BBX: variants seen among roughly 807,000 people sequenced by gnomAD.
The protein encoded by BBX is HMG box transcription factor BBX.
In BBX, 30 loss-of-function variants were observed where a neutral mutation model predicts 100.2. The ratio of observed to expected loss-of-function variants is 0.30; its 90% CI spans 0.22 to 0.41. The LOEUF (loss-of-function observed/expected upper bound fraction) is 0.41. Ranked by LOEUF, BBX falls within the 10% of genes least tolerant of loss-of-function variation. BBX has a pLI of 1.00. For missense variants in BBX, 1,023 were observed against 1,129.8 expected (o/e 0.91, Z 1.35); for synonymous variants, 376 against 388.1 (o/e 0.97, Z 0.37).
At position 107,567,175 on chromosome 3, in the gene BBX, T is replaced by C. The variant is rs529808620; in HGVS notation, c.-84+40777T>C. 1.2e-4 allele frequency among the ~76,000 whole-genome samples: 18 copies of C among 152,308 alleles called. No individual in the cohort carries two copies. In the South Asian group the frequency reaches 3.5e-3, roughly 30 times the overall value. On this transcript the variant is annotated intron_variant, in intron 2 of 17. Coordinates refer to ENST00000325805, the MANE Select transcript of BBX (RefSeq NM_001142568.3). The stretch of plus-strand genomic sequence containing the variant: ...AGAAATTTGTTAATACTTTCTTTGT[T>C]GGCTGCTGTGCAGCCATTCTCTGTG...
chr3:107,670,814 G>A (rs1290610214), intron 3 of BBX, among the ~76,000 whole-genome samples: 1 of 152,004 alleles, frequency 6.6e-6, no homozygotes, highest in African/African-American at 2.4e-5. Flanking sequence ...AGTAGGTACT[G>A]ACACCCAATT....
intron 3 of BBX, among the ~76,000 whole-genome samples, chr3:107,698,062 C>A (rs1005184808): frequency 6.6e-6 from 1 of 151,784 alleles, no homozygotes; most frequent in African/African-American, 2.4e-5. Flanking sequence ...GGCTCGTGCA[C>A]GGTGCGCGCA....
intron 2 of BBX, among the ~76,000 whole-genome samples, chr3:107,548,377 CTATT>C (rs1369376987): frequency 6.6e-6 from 1 of 152,190 alleles, no homozygotes; most frequent in African/African-American, 2.4e-5. Context: ...TTCCATTTGT[CTATT>C]TATAAGCATA....
At chr3:107,683,952 C>T (rs906367355) in intron 3 of BBX, among the ~76,000 whole-genome samples, 1 of 152,164 alleles carries the variant, frequency 6.6e-6, no homozygotes, top group Middle Eastern at 3.4e-3. Flanking sequence ...AACTTCTAAC[C>T]CAGGATTATA....
At chr3:107,592,971 A>G (rs1050729898) in intron 2 of BBX, among the ~76,000 whole-genome samples, 10 of 152,188 alleles carry the variant, frequency 6.6e-5, no homozygotes, top group Admixed American at 6.5e-4. Context: ...TAAGGTTTTC[A>G]AAATTGTCTC....
chr3:107,733,180 G>A (rs1043482989), intron 7 of BBX, among the ~76,000 whole-genome samples, 157 bp downstream of exon 7: 10 of 152,044 alleles, frequency 6.6e-5, no homozygotes, highest in Admixed American at 3.9e-4. Flanking sequence ...TGTCTTGTGT[G>A]TTGAGTGTAA....
intron 2 of BBX, among the ~76,000 whole-genome samples, chr3:107,579,754 G>A (rs2052126148): frequency 6.6e-6 from 1 of 152,146 alleles, no homozygotes; most frequent in Admixed American, 6.5e-5. Context: ...TTCTTCCCCA[G>A]TTTGCATACT....
At chr3:107,593,749 G>C (rs544367858) in intron 2 of BBX, among the ~76,000 whole-genome samples, 10 of 152,256 alleles carry the variant, frequency 6.6e-5, no homozygotes, top group Admixed American at 6.5e-5. Context: ...CTCAGTCCCT[G>C]TAAGTGGAAA....
intron 5 of BBX, among the ~76,000 whole-genome samples, chr3:107,723,606 T>C (rs1042098018): frequency 6.6e-6 from 1 of 152,078 alleles, no homozygotes; most frequent in Non-Finnish European, 1.5e-5. Context: ...TTCCCCTTCC[T>C]GTTTCCAAGT....
intron 2 of BBX, among the ~76,000 whole-genome samples, chr3:107,642,768 G>A (rs746270035): frequency 2.6e-5 from 4 of 152,052 alleles, no homozygotes; most frequent in Admixed American, 1.3e-4. Context: ...AAATGGAGAG[G>A]CATGTGTACC....
intron 3 of BBX, among the ~76,000 whole-genome samples, chr3:107,647,861 T>G (rs1005447527): frequency 6.6e-6 from 1 of 152,204 alleles, no homozygotes; most frequent in East Asian, 1.9e-4. Context: ...AGGAGCAGTC[T>G]TTCTGGCATG....
intron 2 of BBX, among the ~76,000 whole-genome samples, chr3:107,627,874 T>C (rs2056298946): frequency 6.6e-6 from 1 of 152,086 alleles, no homozygotes; most frequent in African/African-American, 2.4e-5. Context: ...CTGAAAGAGT[T>C]GCTTCTTTTT....
At chr3:107,579,531 G>A (rs895767263) in intron 2 of BBX, among the ~76,000 whole-genome samples, 1 of 152,210 alleles carries the variant, frequency 6.6e-6, no homozygotes, top group Admixed American at 6.5e-5. Flanking sequence ...TTATTGTCCT[G>A]TCTGGAAGGG....
intron 7 of BBX, among the ~76,000 whole-genome samples, chr3:107,734,260 G>A (rs888230003): frequency 1.1e-4 from 17 of 152,114 alleles, no homozygotes; most frequent in Non-Finnish European, 1.9e-4. Flanking sequence ...CAATTTAACA[G>A]AATTATTTTG....
chr3:107,702,905 T>C (rs2108208956), intron 3 of BBX, among the ~76,000 whole-genome samples: 1 of 152,224 alleles, frequency 6.6e-6, no homozygotes, highest in South Asian at 2.1e-4. Flanking sequence ...CAGAAGCATG[T>C]GGCGGGTGTG....
intron 2 of BBX, among the ~76,000 whole-genome samples, chr3:107,637,415 C>G (rs2107751638): frequency 6.6e-6 from 1 of 152,308 alleles, no homozygotes; most frequent in African/African-American, 2.4e-5. Context: ...GCATTGTAAT[C>G]TGGTCTGGAG....
intron 3 of BBX, among the ~76,000 whole-genome samples, chr3:107,681,510 C>T (rs1474251960): frequency 2.0e-5 from 3 of 151,866 alleles, no homozygotes; most frequent in Non-Finnish European, 4.4e-5. Flanking sequence ...GTGTAGGGGT[C>T]AAAGGGCAGG....
chr3:107,620,697 C>A (rs2055680336), intron 2 of BBX, among the ~76,000 whole-genome samples: 1 of 152,140 alleles, frequency 6.6e-6, no homozygotes, highest in Non-Finnish European at 1.5e-5. Flanking sequence ...CTGCTGATAT[C>A]ACTCTAACTG....
chr3:107,728,982 A>C, intron 6 of BBX, 22 bp downstream of exon 6: 1 of 1,607,596 alleles, frequency 6.2e-7, no homozygotes, highest in South Asian at 1.1e-5. Flanking sequence ...CACTATTTCC[A>C]CCTATTCTTT....
Sources: allele counts gnomAD v4.1 joint callset (sites outside exome capture counted in the v4.1 genomes callset), GRCh38; gene constraint gnomAD v4.1.1; transcripts MANE v1.5; gene names NCBI Gene and HGNC (gene_info 2026-07-23, HGNC 2026-07-21).